LEO1: variants seen among roughly 807,000 people sequenced by gnomAD.
LEO1 encodes RNA polymerase-associated protein LEO1.
A neutral mutation model predicts 80.4 loss-of-function variants in LEO1; 34 were observed. The ratio of observed to expected loss-of-function variants is 0.42; its 90% CI spans 0.32 to 0.56. The LOEUF is 0.56. Ranked by LOEUF, LEO1 falls within the 20% of genes least tolerant of loss-of-function variation. The pLI is 0.10. For missense variants in LEO1, 631 were observed against 814.2 expected (o/e 0.77, Z 2.74); for synonymous variants, 262 against 274.9 (o/e 0.95, Z 0.46).
chr15:51,971,755 C>T lies in LEO1; in HGVS notation c.-10G>A, dbSNP rs1446369490. The T allele has an allele frequency of 5.6e-6, 9 of 1,614,132 alleles. No individual in the cohort carries two copies. The highest frequency in any genetic ancestry group is 1.6e-4 in the Middle Eastern group (1 of 6,062). On this transcript the variant is annotated 5_prime_UTR_variant, in exon 1 of 12. In the 5' UTR this introduces an upstream ATG that the reference lacks. Coordinates refer to ENST00000299601, the MANE Select transcript of LEO1 (RefSeq NM_138792.4). ...CCTCCATATCCGCCATTATCGCTCACGTCCGCTGCTGCCTCGGTTAGGGGC... is the reference window on the plus strand; with the variant it reads ...CCTCCATATCCGCCATTATCGCTCATGTCCGCTGCTGCCTCGGTTAGGGGC...
chr15:51,949,398 C>CAA, intron 10 of LEO1, among the ~76,000 whole-genome samples: 2 of 152,146 alleles, frequency 1.3e-5, no homozygotes, highest in South Asian at 4.1e-4. Flanking sequence ...ACAACTCGTT[C>CAA]TTTAAAAATA....
In LEO1 at chr15:51,950,219, G is replaced by A. The variant is rs139889448; in HGVS notation, c.1612-225C>T. ...GCAGAAGGGAGCCCTGACACTAACC[G>A]GCCCAACTGGCATTGGCACAGGTGT... On this transcript the variant is annotated intron_variant, in intron 9 of 11. Coordinates refer to ENST00000299601, the MANE Select transcript of LEO1 (RefSeq NM_138792.4). 5.4e-4 allele frequency among the ~76,000 whole-genome samples: 82 copies of A among 152,272 alleles called. 1 individual carries two copies. Among genetic ancestry groups the A allele is most frequent in the South Asian group, 2.3e-3 (11 of 4,830 alleles).
rs753758473 is a variant in LEO1, at chr15:51,971,750, G to A, written c.-5C>T. On this transcript the variant is annotated 5_prime_UTR_variant, in exon 1 of 12. Transcript: ENST00000299601. ...GAGATCCTCCATATCCGCCATTATC[G>A]CTCACGTCCGCTGCTGCCTCGGTTA... is the stretch of plus-strand genomic sequence containing the variant. 2.5e-6 allele frequency: 4 copies of A among 1,613,958 alleles called. No individual in the cohort carries two copies. Among genetic ancestry groups the A allele is most frequent in the East Asian group, 4.5e-5 (2 of 44,892 alleles).
chr15:51,953,211 G>C lies in LEO1; in HGVS notation c.1393C>G (p.Gln465Glu). The C allele has an allele frequency of 6.2e-7, 1 of 1,613,948 alleles. No homozygotes were observed. Among genetic ancestry groups the C allele is most frequent in the Non-Finnish European group, 8.5e-7 (1 of 1,179,792 alleles). The change falls in exon 8 of 12, where the codon CAG becomes GAG. Residue 465 changes from glutamine (Q) to glutamate (E), a missense_variant. Coordinates refer to ENST00000299601, the MANE Select transcript of LEO1 (RefSeq NM_138792.4). ...EVFDVYKAPL[Q>E]GDHNHLFIRQ... ...ATAAAAAGATGATTGTGGTCGCCCT[G>C]CAGTGGGGCTTTGTACACATCAAAC...
chr15:51,968,474 G>A (rs953450016), intron 1 of LEO1, among the ~76,000 whole-genome samples: 6 of 152,104 alleles, frequency 3.9e-5, no homozygotes, highest in African/African-American at 7.2e-5. Flanking sequence ...CTAGGAAGCG[G>A]AGGTTGCAGT....
intron 1 of LEO1, among the ~76,000 whole-genome samples, chr15:51,968,824 G>A (rs926244176): frequency 2.5e-4 from 38 of 149,982 alleles, no homozygotes; most frequent in African/African-American, 8.7e-4. Flanking sequence ...GCAAGACTCC[G>A]TCTCAAAAAA....
intron 1 of LEO1, among the ~76,000 whole-genome samples, chr15:51,971,172 T>C (rs2141790723): frequency 6.6e-6 from 1 of 152,266 alleles, no homozygotes; most frequent in South Asian, 2.1e-4. Flanking sequence ...GTGAAACATC[T>C]ATCTGTAACC....
chr15:51,962,715 C>G (rs1296334567), intron 2 of LEO1, among the ~76,000 whole-genome samples: 1 of 152,128 alleles, frequency 6.6e-6, no homozygotes, highest in African/African-American at 2.4e-5. Context: ...CTGTATAACT[C>G]TATTTATATG....
intron 5 of LEO1, among the ~76,000 whole-genome samples, chr15:51,959,036 CTT>C (rs2057010621): frequency 1.4e-5 from 2 of 146,060 alleles, no homozygotes; most frequent in African/African-American, 5.1e-5. Flanking sequence ...GAGCTTTGCT[CTT>C]GTTGCCCAGG....
intron 6 of LEO1, 29 bp downstream of exon 6, chr15:51,958,712 GA>G (rs775640448): frequency 2.6e-5 from 36 of 1,399,736 alleles, no homozygotes; most frequent in Admixed American, 2.1e-4. Context: ...CTTTATAAAA[GA>G]AAAAAAAGGA....
chr15:51,943,945 AAATG>A (rs1167271928), intron 11 of LEO1, among the ~76,000 whole-genome samples: 1 of 152,190 alleles, frequency 6.6e-6, no homozygotes, highest in East Asian at 1.9e-4. Flanking sequence ...GAATGAAGAA[AAATG>A]AATAGTCCCA....
chr15:51,942,738 A>T (rs2056864207), intron 11 of LEO1, among the ~76,000 whole-genome samples: 1 of 151,974 alleles, frequency 6.6e-6, no homozygotes. Context: ...CCTGACCAAC[A>T]TGGCAAAACC....
At chr15:51,964,568 T>C (rs183204727) in intron 2 of LEO1, among the ~76,000 whole-genome samples, 446 of 143,430 alleles carry the variant, frequency 3.1e-3, no homozygotes, top group African/African-American at 0.011. Context: ...AAAAAACCTC[T>C]ACTCTGAATT....
At chr15:51,954,684 A>C in intron 6 of LEO1, 109 bp from the exon 7 acceptor site, 2 of 721,100 alleles carry the variant, frequency 2.8e-6, no homozygotes, top group Non-Finnish European at 2.5e-6. Context: ...GAGGTGACAG[A>C]TGTATGTGTG....
At chr15:51,953,805 T>C (rs1353048145) in intron 7 of LEO1, among the ~76,000 whole-genome samples, 1 of 151,808 alleles carries the variant, frequency 6.6e-6, no homozygotes, top group Non-Finnish European at 1.5e-5. Context: ...TTTTTTAAAA[T>C]GTCAATTTGT....
At chr15:51,949,447 C>T (rs1024930901) in intron 10 of LEO1, among the ~76,000 whole-genome samples, 1 of 152,114 alleles carries the variant, frequency 6.6e-6, no homozygotes, top group Admixed American at 6.5e-5. Context: ...TGCCTGTAAT[C>T]CCAGTACTTT....
At chr15:51,959,456 G>A (rs2057013665) in intron 5 of LEO1, among the ~76,000 whole-genome samples, 1 of 152,124 alleles carries the variant, frequency 6.6e-6, no homozygotes, top group African/African-American at 2.4e-5. Context: ...CATTGTGCCT[G>A]TGGAAAAAAA....
intron 6 of LEO1, among the ~76,000 whole-genome samples, chr15:51,957,111 C>A (rs1429153834): frequency 6.6e-6 from 1 of 152,144 alleles, no homozygotes; most frequent in East Asian, 1.9e-4. Context: ...ATATGCGGCA[C>A]CATGCCCGGC....
At chr15:51,962,368 T>C (rs1220592036) in intron 3 of LEO1, 21 bp downstream of exon 3, 2 of 1,432,156 alleles carry the variant, frequency 1.4e-6, no homozygotes, top group Non-Finnish European at 1.9e-6. Context: ...AATATACATA[T>C]ATATATAATA....
Sources: gnomAD v4.1 joint callset for allele counts (sites outside exome capture counted in the v4.1 genomes callset) on GRCh38, gnomAD v4.1.1 for gene constraint, MANE v1.5 for transcripts, NCBI Gene and HGNC (gene_info 2026-07-23, HGNC 2026-07-21) for gene names.